MAML3: variants seen among roughly 807,000 people sequenced by gnomAD.
MAML3 encodes mastermind like transcriptional coactivator 3, also known as mastermind-like protein 3.
Under a neutral mutation model 101.9 loss-of-function variants are expected in MAML3, and 27 were observed. The ratio of observed to expected loss-of-function variants is 0.27; its 90% CI spans 0.20 to 0.37. The LOEUF (loss-of-function observed/expected upper bound fraction) is 0.37. Ranked by LOEUF, MAML3 falls within the 10% of genes least tolerant of loss-of-function variation. MAML3 has a pLI of 1.00. For synonymous variants in MAML3, 501 were observed against 555.9 expected (o/e 0.90, Z 1.39); for missense variants, 1,316 against 1,444.9 (o/e 0.91, Z 1.45).
Position 140,152,805 on chromosome 4 carries a change from A to C in MAML3, c.468+55T>G, listed in dbSNP as rs10002356. Reference sequence around the variant, plus strand: ...ATGTAAGAAGCTCCACGCGCCCCCCACCACCACCACCACCCCCAACGCGCG... The same window carrying C: ...ATGTAAGAAGCTCCACGCGCCCCCCCCCACCACCACCACCCCCAACGCGCG... On this transcript the variant is annotated intron_variant, in intron 1 of 4. Coordinates refer to ENST00000509479, the MANE Select transcript of MAML3 (RefSeq NM_018717.5). 0.23 allele frequency: 347,154 copies of C among 1,504,042 alleles called. 43,809 individuals carry two copies. Among genetic ancestry groups the C allele is most frequent in the South Asian group, 0.38 (29,918 of 78,120 alleles). The allele number at this position is 1,504,042 out of a possible 1,614,324, so 93.2% of individuals were successfully genotyped here.
intron 1 of MAML3, among the ~76,000 whole-genome samples, chr4:139,913,332 T>C (rs1352692923): frequency 6.6e-6 from 1 of 152,228 alleles, no homozygotes; most frequent in Non-Finnish European, 1.5e-5. Context: ...TTTTTTTTTA[T>C]GGATTATAAT....
chr4:140,088,588 T>C (rs1334292641), intron 1 of MAML3, among the ~76,000 whole-genome samples: 1 of 152,196 alleles, frequency 6.6e-6, no homozygotes, highest in African/African-American at 2.4e-5. Flanking sequence ...GAACTTCCTA[T>C]AGTACAGCTC....
At chr4:140,091,524 CA>C (rs1163309172) in intron 1 of MAML3, among the ~76,000 whole-genome samples, 4 of 17,126 alleles carry the variant, frequency 2.3e-4, no homozygotes, top group African/African-American at 3.9e-4. Context: ...TAAAACAAAA[CA>C]AAACAACAAA....
chr4:139,999,227 A>G (rs955284113), intron 1 of MAML3, among the ~76,000 whole-genome samples: 15 of 152,126 alleles, frequency 9.9e-5, no homozygotes, highest in African/African-American at 3.1e-4. Flanking sequence ...GCCATACCCA[A>G]CCCACAGCCA....
chr4:139,729,400 G>A (rs1276738176), intron 3 of MAML3, among the ~76,000 whole-genome samples: 1 of 152,070 alleles, frequency 6.6e-6, no homozygotes, highest in African/African-American at 2.4e-5. Context: ...TGGGAGGATC[G>A]CTTGAGGCCA....
At chr4:139,863,098 C>G (rs191419415) in intron 2 of MAML3, among the ~76,000 whole-genome samples, 104 of 141,754 alleles carry the variant, frequency 7.3e-4, no homozygotes, top group African/African-American at 2.5e-3. Flanking sequence ...TGCAGCGAGC[C>G]AAGGTTGCGC....
chr4:139,808,784 C>T (rs935424173), intron 2 of MAML3, among the ~76,000 whole-genome samples: 38 of 152,142 alleles, frequency 2.5e-4, no homozygotes, highest in African/African-American at 7.2e-4. Flanking sequence ...TATGATATTC[C>T]GTATTATGCT....
In MAML3 at chr4:139,890,623, G is replaced by C. The variant is rs766363821; in HGVS notation, c.813C>G (p.Ser271Arg). ...CGAGAGGTTCTTGTTTGAGGTCTTT[G>C]CTCTGCAAGATGGTGAAGCTATCCT... ...DLEDSFTILQ[S>R]KDLKQEPLDD... Residue 271 changes from serine (S) to arginine (R), a missense_variant, in exon 2 of 5, where the codon AGC becomes AGG. Ser to Arg is a moderately radical substitution (Grantham distance 110). Coordinates refer to ENST00000509479, the MANE Select transcript of MAML3 (RefSeq NM_018717.5). This position sits in a 1 kb window ranked among gnomAD's most constrained non-coding sequence, Gnocchi z 4.1. 6.2e-7 allele frequency: 1 copy of C among 1,613,942 alleles called. No individual in the cohort carries two copies. The highest frequency in any genetic ancestry group is 8.5e-7 in the Non-Finnish European group (1 of 1,179,850).
chr4:139,731,467 A>C (rs1043187602), intron 2 of MAML3: 5 of 150,494 alleles, frequency 3.3e-5, no homozygotes, highest in African/African-American at 1.3e-4. Context: ...AAAAAAAAAA[A>C]ATTAGCCAGA....
At position 140,113,985 on chromosome 4, in the gene MAML3, T is replaced by A. The variant is rs545073596; in HGVS notation, c.468+38875A>T. 2.6e-5 allele frequency among the ~76,000 whole-genome samples: 4 copies of A among 152,292 alleles called. No homozygotes were observed. In the East Asian group the frequency reaches 7.7e-4, roughly 29 times the overall value. On this transcript the variant is annotated intron_variant, in intron 1 of 4. Transcript: ENST00000509479. ...CACACTCAGTGAACCCAGTCACCAT[T>A]CACTGAACTCATTTTCCCACCTTCG...
chr4:139,990,122 A>G (rs1734635912), intron 1 of MAML3, among the ~76,000 whole-genome samples: 1 of 152,320 alleles, frequency 6.6e-6, no homozygotes, highest in African/African-American at 2.4e-5. Flanking sequence ...TGCTGACTAC[A>G]ACCTCTATAG....
At chr4:140,054,761 AC>A (rs2110927968) in intron 1 of MAML3, among the ~76,000 whole-genome samples, 1 of 152,264 alleles carries the variant, frequency 6.6e-6, no homozygotes, top group East Asian at 1.9e-4. Flanking sequence ...GGCAGGGACC[AC>A]CTTAGAATCT....
At chr4:139,821,928 CACA>C (rs1730980178) in intron 2 of MAML3, among the ~76,000 whole-genome samples, 1 of 152,136 alleles carries the variant, frequency 6.6e-6, no homozygotes, top group Non-Finnish European at 1.5e-5. Context: ...TTTCCATGCT[CACA>C]ACTGCCTATG....
At chr4:139,913,794 T>C (rs1186272331) in intron 1 of MAML3, among the ~76,000 whole-genome samples, 2 of 152,212 alleles carry the variant, frequency 1.3e-5, no homozygotes, top group Non-Finnish European at 2.9e-5. Context: ...GTGGATTATT[T>C]GGTTAGGCAG....
intron 2 of MAML3, among the ~76,000 whole-genome samples, chr4:139,757,089 G>A (rs1223201818): frequency 6.6e-6 from 1 of 152,102 alleles, no homozygotes; most frequent in Admixed American, 6.5e-5. Flanking sequence ...CCTGATGTCT[G>A]AGCCAGGGGG....
At chr4:140,042,034 TC>T (rs1387676676) in intron 1 of MAML3, among the ~76,000 whole-genome samples, 1 of 152,128 alleles carries the variant, frequency 6.6e-6, no homozygotes, top group African/African-American at 2.4e-5. Context: ...TTCACAAACC[TC>T]CTGTGAAGTA....
intron 2 of MAML3, among the ~76,000 whole-genome samples, chr4:139,734,821 G>A (rs1728867811): frequency 6.6e-6 from 1 of 152,278 alleles, no homozygotes; most frequent in Non-Finnish European, 1.5e-5. Flanking sequence ...GCGAACCAAA[G>A]AGCAGGGAAT....
intron 1 of MAML3, among the ~76,000 whole-genome samples, chr4:139,931,300 C>T (rs1216736648): frequency 2.0e-5 from 3 of 152,146 alleles, no homozygotes; most frequent in East Asian, 1.9e-4. Context: ...TTTATCCTTC[C>T]GTAAACCTTC....
intron 1 of MAML3, among the ~76,000 whole-genome samples, chr4:140,025,963 G>A (rs1726815751): frequency 6.6e-6 from 1 of 152,182 alleles, no homozygotes; most frequent in African/African-American, 2.4e-5. Context: ...GCTCCTCCCT[G>A]ATCACTGTGG....
Sources: allele counts gnomAD v4.1 joint callset (sites outside exome capture counted in the v4.1 genomes callset), GRCh38; gene constraint gnomAD v4.1.1; non-coding constraint Gnocchi (gnomAD v3.1); transcripts MANE v1.5; gene names NCBI Gene and HGNC (gene_info 2026-07-23, HGNC 2026-07-21).